The following CFAP206 variants were observed in gnomAD, a reference collection of about 807,000 sequenced individuals.
CFAP206 encodes the protein cilia and flagella associated protein 206.
CFAP206 carries 53 observed loss-of-function variants against 65.4 expected under a neutral mutation model. That is an observed-to-expected ratio of 0.81 (90% CI 0.65 to 1.02). The LOEUF is 1.02. Ranked by LOEUF, CFAP206 falls within the 50% of genes least tolerant of loss-of-function variation. CFAP206 has a pLI of 0.00. For synonymous variants in CFAP206, 250 were observed against 254.4 expected (o/e 0.98, Z 0.17); for missense variants, 663 against 753.2 (o/e 0.88, Z 1.40).
chr6:87,446,187 G>A (rs375591594), intron 11 of CFAP206, among the ~76,000 whole-genome samples: 16 of 152,178 alleles, frequency 1.1e-4, no homozygotes, highest in South Asian at 4.1e-4. Context: ...ATTTTGCTGC[G>A]CAGAAGCTCT....
At chr6:87,448,781 T>A (rs533471756) in intron 11 of CFAP206, among the ~76,000 whole-genome samples, 2 of 152,276 alleles carry the variant, frequency 1.3e-5, no homozygotes, top group South Asian at 4.1e-4. Flanking sequence ...GTGCCTTGCT[T>A]ATTTCATTTA....
In CFAP206 at chr6:87,416,778, T is replaced by G; in HGVS notation, c.582T>G (p.Ile194Met). 1.2e-6 allele frequency: 2 copies of G among 1,613,898 alleles called. No homozygotes were observed. The highest frequency in any genetic ancestry group is 1.7e-6 in the Non-Finnish European group (2 of 1,179,886). Residue 194 changes from isoleucine to methionine, a missense_variant, in exon 6 of 13, where the codon ATT becomes ATG. Transcript: ENST00000369562. ...AACTCACCATGATTGTTACTGGAAT[T>G]CGTTTATTTAACAGAGACTGTGGAA... The part of the protein sequence containing the change: ...LKELTMIVTG[I>M]RLFNRDCGKG...
intron 11 of CFAP206, among the ~76,000 whole-genome samples, chr6:87,440,717 G>A (rs567256702): frequency 6.6e-6 from 1 of 152,260 alleles, no homozygotes; most frequent in Non-Finnish European, 1.5e-5. Flanking sequence ...AGAAAATGGA[G>A]GTAAATTAGA....
intron 10 of CFAP206, among the ~76,000 whole-genome samples, chr6:87,432,273 A>G (rs1412907446): frequency 6.6e-6 from 1 of 152,192 alleles, no homozygotes; most frequent in Non-Finnish European, 1.5e-5. Flanking sequence ...TCATTTAAAA[A>G]ATGTTATTAC....
In CFAP206 at chr6:87,444,619, T is replaced by A. The variant is rs113204739; in HGVS notation, c.1494+9566T>A. On this transcript the variant is annotated intron_variant, in intron 11 of 12. Coordinates refer to ENST00000369562, the MANE Select transcript of CFAP206 (RefSeq NM_001031743.3). ...ATTCCTTCATGAACATTAACAGGCC[T>A]TCCCACAGGAAAGCCAGCTGGAAAA... 1,811 of 312,324 alleles carry A rather than the reference T, an allele frequency of 5.8e-3. 37 individuals carry two copies. Among genetic ancestry groups the A allele is most frequent in the African/African-American group, 0.038 (1,705 of 45,088 alleles). The allele number at this position is 312,324 out of a possible 1,614,324, so 19.3% of individuals were successfully genotyped here.
At chr6:87,416,891 G>A in intron 6 of CFAP206, 64 bp downstream of exon 6, 5 of 1,397,494 alleles carry the variant, frequency 3.6e-6, no homozygotes, top group Admixed American at 2.0e-5. Flanking sequence ...TGCACAGTGA[G>A]GAAAATAATA....
chr6:87,417,824 C>T (rs1262609221), intron 6 of CFAP206, among the ~76,000 whole-genome samples: 2 of 147,064 alleles, frequency 1.4e-5, no homozygotes, highest in African/African-American at 2.5e-5. Flanking sequence ...GGCGCGATCT[C>T]GGCTTACTGC....
At chr6:87,451,063 C>T (rs1768534574) in intron 11 of CFAP206, among the ~76,000 whole-genome samples, 1 of 152,188 alleles carries the variant, frequency 6.6e-6, no homozygotes, top group South Asian at 2.1e-4. Flanking sequence ...TGGCTAGCCC[C>T]AGTATCATGG....
chr6:87,431,713 CTGAGA>C (rs750324299), intron 10 of CFAP206, among the ~76,000 whole-genome samples: 1 of 152,164 alleles, frequency 6.6e-6, no homozygotes, highest in Non-Finnish European at 1.5e-5. Flanking sequence ...TTGCAGCGAG[CTGAGA>C]TAACTCCACT....
intron 4 of CFAP206, among the ~76,000 whole-genome samples, chr6:87,414,134 G>A (rs763730094): frequency 1.3e-5 from 2 of 152,026 alleles, no homozygotes; most frequent in Non-Finnish European, 2.9e-5. Flanking sequence ...TGTTTCCAGT[G>A]GCACTAATAC....
In CFAP206 at chr6:87,409,941, T is replaced by C. The variant is rs892032872; in HGVS notation, c.102T>C (p.Ala34=). The change falls in exon 2 of 13, where the codon GCT becomes GCC. Residue 34 remains alanine, a synonymous_variant. Transcript: ENST00000369562. ...AGATTGTTTCTGAAACTCTGATTGC[T>C]TTTATGGTAAGAAGAAATATTTTTG... ...HGEIVSETLI[A]FMVKAVVLDP... 1 of 1,601,456 alleles carries C rather than the reference T, an allele frequency of 6.2e-7. No homozygotes were observed. Among genetic ancestry groups the C allele is most frequent in the Non-Finnish European group, 8.5e-7 (1 of 1,171,228 alleles).
chr6:87,456,623 A>T lies in CFAP206; in HGVS notation c.1495-4399A>T, dbSNP rs543235665. On this transcript the variant is annotated intron_variant, in intron 11 of 12. Transcript: ENST00000369562. ...ATCTTACATTTGGAAAAATCTTAAG[A>T]CTCCACCAAAAAACTAATACAACTG... 5.3e-5 allele frequency among the ~76,000 whole-genome samples: 8 copies of T among 152,282 alleles called. No homozygotes were observed. The South Asian group carries it at 1.7e-3, about 32-fold the overall frequency.
Position 87,418,383 on chromosome 6 carries a change from A to G in CFAP206, c.807A>G (p.Ile269Met), listed in dbSNP as rs1242252584. The G allele has an allele frequency of 6.2e-7, 1 of 1,614,152 alleles. No individual in the cohort carries two copies. Among genetic ancestry groups the G allele is most frequent in the South Asian group, 1.1e-5 (1 of 91,076 alleles). Residue 269 changes from isoleucine (I) to methionine (M), a missense_variant, in exon 7 of 13, where the codon ATA becomes ATG. Transcript: ENST00000369562. ...TGTTAAAAGAAGCGCTATATAATAT[A>G]CGACAATATGAGGTCTTCCTTCAGA... Reference protein sequence around the residue: ...PYMLKEALYNIRQYEVFLQII... With the variant: ...PYMLKEALYNMRQYEVFLQII...
At chr6:87,422,519 A>G (rs770872533) in intron 7 of CFAP206, among the ~76,000 whole-genome samples, 67 of 151,232 alleles carry the variant, frequency 4.4e-4, no homozygotes, top group Non-Finnish European at 2.5e-4. Context: ...TGGGAGGCCG[A>G]GGCAGGTTGA....
chr6:87,421,789 C>A (rs1767945631), intron 7 of CFAP206, among the ~76,000 whole-genome samples: 1 of 152,172 alleles, frequency 6.6e-6, no homozygotes, highest in African/African-American at 2.4e-5. Flanking sequence ...TCCCCCCAAG[C>A]TATTTTTGCA....
At chr6:87,454,053 C>G (rs1176350778) in intron 11 of CFAP206, among the ~76,000 whole-genome samples, 5 of 152,038 alleles carry the variant, frequency 3.3e-5, no homozygotes, top group African/African-American at 1.2e-4. Flanking sequence ...AAAAGTTATT[C>G]CATGCAAATG....
Position 87,426,648 on chromosome 6 carries a change from A to G in CFAP206, c.960+3A>G. Reference sequence around the variant, plus strand: ...CGGTCCCAACATCACAAGTCTTTGTAAGTATTTGTCATAAACTTTGACCTT... The same window carrying G: ...CGGTCCCAACATCACAAGTCTTTGTGAGTATTTGTCATAAACTTTGACCTT... On this transcript the variant is annotated splice_donor_region_variant and intron_variant, in intron 8 of 12. Coordinates refer to ENST00000369562, the MANE Select transcript of CFAP206 (RefSeq NM_001031743.3). 6.4e-7 allele frequency: 1 copy of G among 1,572,168 alleles called. No homozygotes were observed. The highest frequency in any genetic ancestry group is 8.6e-7 in the Non-Finnish European group (1 of 1,161,242).
rs1283646232 is a variant in CFAP206 at position 87,464,361 on chromosome 6, G to A, written c.*111G>A. On this transcript the variant is annotated 3_prime_UTR_variant, in exon 13 of 13. Transcript: ENST00000369562. The stretch of plus-strand genomic sequence containing the variant: ...TTTTGTAGGGGTGGCACATTCATTG[G>A]TTGTGTGACTGTTTATTGGGTTCCC... 5.8e-6 allele frequency: 4 copies of A among 684,148 alleles called. No individual in the cohort carries two copies. Among genetic ancestry groups the A allele is most frequent in the Non-Finnish European group, 9.0e-6 (4 of 445,364 alleles). 42.4% of individuals were successfully genotyped at this position (684,148 alleles called of 1,614,324 possible). A position where few individuals can be genotyped will look rare whatever the true frequency, so the allele number is the denominator to read the frequency against.
intron 9 of CFAP206, among the ~76,000 whole-genome samples, chr6:87,429,649 C>G (rs1036199996): frequency 2.6e-5 from 4 of 152,110 alleles, no homozygotes; most frequent in Admixed American, 1.3e-4. Flanking sequence ...TCTATCTTAG[C>G]TAAAGATACT....
Sources: allele counts gnomAD v4.1 joint callset (sites outside exome capture counted in the v4.1 genomes callset), GRCh38; gene constraint gnomAD v4.1.1; transcripts MANE v1.5; gene names NCBI Gene and HGNC (gene_info 2026-07-23, HGNC 2026-07-21).